The following CAB39 variants were observed in gnomAD, a reference collection of about 807,000 sequenced individuals.
The protein encoded by CAB39 is calcium-binding protein 39.
A neutral mutation model predicts 40.0 loss-of-function variants in CAB39; 8 were observed. That is an observed-to-expected ratio of 0.20 (90% CI 0.12 to 0.36). CAB39 has a LOEUF of 0.36. Ranked by LOEUF, CAB39 falls within the 10% of genes least tolerant of loss-of-function variation. The pLI is 1.00. For synonymous variants in CAB39, 156 were observed against 141.6 expected (o/e 1.10, Z -0.72); for missense variants, 270 against 401.1 (o/e 0.67, Z 2.79).
intron 2 of CAB39, among the ~76,000 whole-genome samples, chr2:230,786,909 A>G (rs760070772): frequency 5.0e-4 from 76 of 151,768 alleles, no homozygotes; most frequent in Non-Finnish European, 9.3e-4. Context: ...GGGTTACTGA[A>G]TTTGCATATG....
intron 7 of CAB39, 35 bp downstream of exon 7, chr2:230,814,149 G>C: frequency 9.8e-7 from 1 of 1,018,998 alleles, no homozygotes; most frequent in Non-Finnish European, 1.5e-6. Context: ...TTATTTCTCT[G>C]TACCTTGTGT....
At chr2:230,790,571 G>A (rs1695876759) in intron 2 of CAB39, among the ~76,000 whole-genome samples, 1 of 152,126 alleles carries the variant, frequency 6.6e-6, no homozygotes, top group Non-Finnish European at 1.5e-5. Flanking sequence ...CCTCCCACTT[G>A]AGGAAGTGAA....
intron 2 of CAB39, among the ~76,000 whole-genome samples, chr2:230,771,884 T>C (rs1321602750): frequency 6.6e-6 from 1 of 152,164 alleles, no homozygotes; most frequent in Non-Finnish European, 1.5e-5. Context: ...TGAAACTATT[T>C]AGTAGGCAGA....
At chr2:230,802,522 TAAAA>T (rs1390165411) in intron 5 of CAB39, among the ~76,000 whole-genome samples, 1 of 151,510 alleles carries the variant, frequency 6.6e-6, no homozygotes, top group African/African-American at 2.4e-5. Context: ...GCAAGACTAA[TAAAA>T]AAGAAGAGAG....
chr2:230,797,553 T>C (rs1696008801), intron 4 of CAB39, among the ~76,000 whole-genome samples: 1 of 149,954 alleles, frequency 6.7e-6, no homozygotes, highest in African/African-American at 2.4e-5. Context: ...TGGAGGGGGA[T>C]GAGATTTGAT....
rs531804835 is a variant in CAB39 at position 230,800,286 on chromosome 2, G to T, written c.567+1389G>T. ...GACCTGATCATTAGGGTTTTACCTT[G>T]AATGAGAATCAGGTCATAAGGCCCC... On this transcript the variant is annotated intron_variant, in intron 5 of 8. Coordinates refer to ENST00000258418, the MANE Select transcript of CAB39 (RefSeq NM_016289.4). Among the ~76,000 whole-genome samples the T allele has an allele frequency of 1.8e-4, 27 of 152,230 alleles. No individual in the cohort carries two copies. The South Asian group carries it at 5.4e-3, about 30-fold the overall frequency.
intron 1 of CAB39, among the ~76,000 whole-genome samples, chr2:230,754,544 C>T (rs1439411161): frequency 3.3e-5 from 5 of 151,304 alleles, no homozygotes; most frequent in South Asian, 2.1e-4. Flanking sequence ...TCCTCTTCTC[C>T]GTCTTGCTCT....
chr2:230,717,399 G>A (rs1049386950), intron 1 of CAB39, among the ~76,000 whole-genome samples: 3 of 152,136 alleles, frequency 2.0e-5, no homozygotes, highest in Admixed American at 1.3e-4. Context: ...GAGTTCGTAC[G>A]TTCTGTGCCC....
intron 5 of CAB39, among the ~76,000 whole-genome samples, chr2:230,802,478 T>G (rs1696107943): frequency 6.6e-6 from 1 of 152,090 alleles, no homozygotes; most frequent in Non-Finnish European, 1.5e-5. Context: ...GGAGCTGGTT[T>G]TTTGAAAAGA....
intron 4 of CAB39, among the ~76,000 whole-genome samples, chr2:230,797,557 A>G (rs1049157084): frequency 2.0e-5 from 3 of 151,934 alleles, no homozygotes; most frequent in Non-Finnish European, 4.4e-5. Flanking sequence ...GGGGGATGAG[A>G]TTTGATTTGA....
chr2:230,728,097 G>C (rs113659997), intron 1 of CAB39, among the ~76,000 whole-genome samples: 2,683 of 152,154 alleles, frequency 0.018, 69 homozygotes, highest in African/African-American at 0.055. Flanking sequence ...AAATTAGCTG[G>C]GTGTGGTGGC....
At chr2:230,794,083 G>A (rs942018808) in intron 4 of CAB39, among the ~76,000 whole-genome samples, 1 of 152,266 alleles carries the variant, frequency 6.6e-6, no homozygotes, top group Middle Eastern at 3.4e-3. Flanking sequence ...GTGGTGGTCT[G>A]TTCTATTAAG....
At chr2:230,778,392 A>G (rs1324324288) in intron 2 of CAB39, among the ~76,000 whole-genome samples, 1 of 152,214 alleles carries the variant, frequency 6.6e-6, no homozygotes, top group South Asian at 2.1e-4. Flanking sequence ...ACTAATGGGT[A>G]TGTGAGCTGT....
At chr2:230,726,517 GTTATC>G (rs1469441054) in intron 1 of CAB39, among the ~76,000 whole-genome samples, 5 of 151,920 alleles carry the variant, frequency 3.3e-5, no homozygotes, top group African/African-American at 1.2e-4. Context: ...GTTCATTATA[GTTATC>G]TAATATGCTT....
chr2:230,809,398 T>C (rs749119669), intron 5 of CAB39, among the ~76,000 whole-genome samples: 1 of 152,200 alleles, frequency 6.6e-6, no homozygotes, highest in Non-Finnish European at 1.5e-5. Context: ...GGCGCTATCT[T>C]CTTTAGCAGT....
intron 2 of CAB39, among the ~76,000 whole-genome samples, chr2:230,776,073 C>T (rs1282072573): frequency 6.6e-6 from 1 of 152,020 alleles, no homozygotes; most frequent in Non-Finnish European, 1.5e-5. Context: ...CAACCTATGG[C>T]ATGTTCAGAA....
chr2:230,818,649 C>T lies in CAB39; in HGVS notation c.971C>T (p.Thr324Ile). The change falls in exon 9 of 9, where the codon ACC becomes ATC. Residue 324 changes from threonine (T) to isoleucine (I), a missense_variant. Thr to Ile is a moderately conservative substitution (Grantham distance 89). Transcript: ENST00000258418. ...TEDEQFNDEK[T>I]YLVKQIRDLK... Reference sequence around the variant, plus strand: ...GATGAGCAGTTTAACGACGAGAAGACCTATTTAGTTAAACAGATCAGGGAT... The same window carrying T: ...GATGAGCAGTTTAACGACGAGAAGATCTATTTAGTTAAACAGATCAGGGAT... 1 of 1,614,086 alleles carries T rather than the reference C, an allele frequency of 6.2e-7. No individual in the cohort carries two copies. The highest frequency in any genetic ancestry group is 8.5e-7 in the Non-Finnish European group (1 of 1,179,960).
intron 2 of CAB39, among the ~76,000 whole-genome samples, chr2:230,769,553 A>G (rs1044049013): frequency 1.3e-5 from 2 of 152,262 alleles, no homozygotes; most frequent in Non-Finnish European, 2.9e-5. Flanking sequence ...ATAAAGTTAT[A>G]CAATGGATGT....
At chr2:230,817,919 T>G (rs558622398) in intron 8 of CAB39, 22 bp downstream of exon 8, 1 of 1,597,916 alleles carries the variant, frequency 6.3e-7, no homozygotes, top group South Asian at 1.1e-5. Flanking sequence ...GAAGCATCAG[T>G]GATACTGTCC....
Sources: allele counts gnomAD v4.1 joint callset (sites outside exome capture counted in the v4.1 genomes callset), GRCh38; gene constraint gnomAD v4.1.1; transcripts MANE v1.5; gene names NCBI Gene and HGNC (gene_info 2026-07-23, HGNC 2026-07-21).